Variants in RSRC1 observed in about 807,000 individuals in gnomAD.
The protein encoded by RSRC1 is arginine and serine rich coiled-coil 1.
Under a neutral mutation model 49.1 loss-of-function variants are expected in RSRC1, and 39 were observed. That is an observed-to-expected ratio of 0.79 (90% CI 0.61 to 1.04). The LOEUF (loss-of-function observed/expected upper bound fraction) is 1.04. Among genes scored for constraint, RSRC1 ranks in the 50% least tolerant of loss-of-function variants. The pLI is 0.00. For missense variants in RSRC1, 388 were observed against 402.4 expected (o/e 0.96, Z 0.31); for synonymous variants, 143 against 130.8 (o/e 1.09, Z -0.63).
intron 6 of RSRC1, among the ~76,000 whole-genome samples, chr3:158,434,022 G>A (rs537356369): frequency 4.0e-5 from 6 of 151,850 alleles, no homozygotes; most frequent in Non-Finnish European, 7.4e-5. Flanking sequence ...CTCCAAAGAC[G>A]TTAAAACTAA....
chr3:158,264,617 T>C (rs879538945), intron 4 of RSRC1, among the ~76,000 whole-genome samples: 2 of 152,186 alleles, frequency 1.3e-5, no homozygotes, highest in Non-Finnish European at 2.9e-5. Context: ...TCTCCAACCA[T>C]TATACTGGAT....
chr3:158,482,320 G>A (rs995893434), intron 7 of RSRC1, among the ~76,000 whole-genome samples: 1 of 152,004 alleles, frequency 6.6e-6, no homozygotes, highest in East Asian at 1.9e-4. Flanking sequence ...TTGCATTTAT[G>A]CATATTTTAA....
chr3:158,514,553 G>C (rs1311457276), intron 7 of RSRC1, among the ~76,000 whole-genome samples: 1 of 152,016 alleles, frequency 6.6e-6, no homozygotes, highest in Non-Finnish European at 1.5e-5. Context: ...GGTCAATTTT[G>C]GAATAGGTGT....
intron 5 of RSRC1, among the ~76,000 whole-genome samples, chr3:158,321,919 G>A (rs765250486): frequency 1.3e-5 from 2 of 150,758 alleles, no homozygotes; most frequent in Non-Finnish European, 2.9e-5. Flanking sequence ...ATTAGTTTTT[G>A]CTTTTATCAA....
chr3:158,502,636 TCTC>T lies in RSRC1; in HGVS notation c.653-34453_653-34451del. On this transcript the variant is annotated intron_variant, in intron 7 of 9. Transcript: ENST00000611884. Reference sequence around the variant, plus strand: ...GTCTTTGAGCTCTGAATTTCTTTCTTCTCCTTGTTCAATTCTACTGCTGAGAAT... The same window carrying T: ...GTCTTTGAGCTCTGAATTTCTTTCTTCTTGTTCAATTCTACTGCTGAGAAT... Among the ~76,000 whole-genome samples, 4 of 152,292 alleles carry T rather than the reference TCTC, an allele frequency of 2.6e-5. No homozygotes were observed. In the South Asian group the frequency reaches 8.3e-4, roughly 32 times the overall value.
intron 7 of RSRC1, among the ~76,000 whole-genome samples, chr3:158,478,895 T>C (rs1738492883): frequency 6.6e-6 from 1 of 150,750 alleles, no homozygotes. Context: ...GAGAGTACTA[T>C]TGTATTCATT....
chr3:158,418,856 A>C (rs530933259), intron 6 of RSRC1, among the ~76,000 whole-genome samples: 1 of 152,054 alleles, frequency 6.6e-6, no homozygotes, highest in South Asian at 2.1e-4. Context: ...CTTCCCAGAG[A>C]AGTGACCGAG....
intron 4 of RSRC1, among the ~76,000 whole-genome samples, chr3:158,252,575 T>C (rs1724284521): frequency 6.6e-6 from 1 of 152,344 alleles, no homozygotes; most frequent in Admixed American, 6.5e-5. Context: ...TTTGTCTGGT[T>C]TTGGTATCAG....
chr3:158,277,278 T>C (rs1445298871), intron 4 of RSRC1, among the ~76,000 whole-genome samples: 2 of 152,214 alleles, frequency 1.3e-5, no homozygotes. Context: ...CATTTATCTT[T>C]TAATGCTGAT....
chr3:158,145,169 C>G (rs1182487856), intron 3 of RSRC1, among the ~76,000 whole-genome samples: 1 of 152,118 alleles, frequency 6.6e-6, no homozygotes, highest in Admixed American at 6.6e-5. Flanking sequence ...GCTTTTGTTG[C>G]CATTGCTTTT....
At chr3:158,228,759 G>T (rs184726754) in intron 4 of RSRC1, among the ~76,000 whole-genome samples, 21 of 151,430 alleles carry the variant, frequency 1.4e-4, no homozygotes, top group African/African-American at 4.6e-4. Context: ...TTATATATGT[G>T]TGTGTGTATA....
intron 6 of RSRC1, among the ~76,000 whole-genome samples, chr3:158,357,417 G>A (rs1238875337): frequency 1.3e-5 from 2 of 151,984 alleles, no homozygotes; most frequent in African/African-American, 4.8e-5. Flanking sequence ...TTAAGTAATC[G>A]TTTTACTAGA....
At chr3:158,237,923 T>C (rs1723332102) in intron 4 of RSRC1, among the ~76,000 whole-genome samples, 1 of 152,228 alleles carries the variant, frequency 6.6e-6, no homozygotes, top group Non-Finnish European at 1.5e-5. Context: ...TTCAGTATGA[T>C]ATTGGCTGTG....
intron 5 of RSRC1, among the ~76,000 whole-genome samples, chr3:158,350,373 C>T (rs2108231040): frequency 6.6e-6 from 1 of 151,688 alleles, no homozygotes; most frequent in South Asian, 2.1e-4. Context: ...GGAGTTTTGC[C>T]ATGTTGCCCA....
rs112702432 is a variant in RSRC1, at chr3:158,217,765, T to TGTGG, written c.494+14521_494+14522insTGGG. Among the ~76,000 whole-genome samples the TGTGG allele has an allele frequency of 1.2e-3, 166 of 141,442 alleles. 1 individual carries two copies. The highest frequency in any genetic ancestry group is 0.011 in the Middle Eastern group (3 of 280). The allele number at this position is 141,442 out of a possible 152,430, so 92.8% of individuals were successfully genotyped here. ...AATTATGGTCCAGTGTGTGTGTGTG[T>TGTGG]GGGGGGGGAATTGTAAATATGAAAT... is the stretch of plus-strand genomic sequence containing the variant. On this transcript the variant is annotated intron_variant, in intron 4 of 9. Coordinates refer to ENST00000611884, the MANE Select transcript of RSRC1 (RefSeq NM_001271838.2).
chr3:158,171,324 A>C (rs1445186299), intron 3 of RSRC1, among the ~76,000 whole-genome samples: 1 of 152,208 alleles, frequency 6.6e-6, no homozygotes, highest in Non-Finnish European at 1.5e-5. Flanking sequence ...AAGGTCCACT[A>C]TATAATCCAA....
At chr3:158,261,803 CT>C (rs1294009485) in intron 4 of RSRC1, among the ~76,000 whole-genome samples, 12 of 152,346 alleles carry the variant, frequency 7.9e-5, no homozygotes, top group African/African-American at 2.6e-4. Context: ...CCAGATGGAA[CT>C]GTCTAGTTTC....
chr3:158,139,000 T>C (rs1349255119), intron 3 of RSRC1, among the ~76,000 whole-genome samples: 1 of 152,212 alleles, frequency 6.6e-6, no homozygotes, highest in Admixed American at 6.5e-5. Context: ...AGAGTATTTA[T>C]AAATCTGTTT....
chr3:158,229,278 A>G (rs1287934443), intron 4 of RSRC1, among the ~76,000 whole-genome samples: 4 of 89,130 alleles, frequency 4.5e-5, no homozygotes, highest in Non-Finnish European at 9.2e-5. Flanking sequence ...ATGTATGTAT[A>G]TAAACATACA....
Sources: gnomAD v4.1 joint callset for allele counts (sites outside exome capture counted in the v4.1 genomes callset) on GRCh38, gnomAD v4.1.1 for gene constraint, MANE v1.5 for transcripts, NCBI Gene and HGNC (gene_info 2026-07-23, HGNC 2026-07-21) for gene names.